The following TSPAN14 variants were observed in gnomAD, a reference collection of about 807,000 sequenced individuals.
The protein encoded by TSPAN14 is tetraspanin-14.
A neutral mutation model predicts 36.6 loss-of-function variants in TSPAN14; 16 were observed. That is an observed-to-expected ratio of 0.44 (90% CI 0.30 to 0.66). The LOEUF is 0.66. Among genes scored for constraint, TSPAN14 ranks in the 30% least tolerant of loss-of-function variants. The pLI is 0.12. For synonymous variants in TSPAN14, 139 were observed against 143.8 expected (o/e 0.97, Z 0.24); for missense variants, 231 against 355.1 (o/e 0.65, Z 2.81).
chr10:80,510,729 T>C (rs1416669030), intron 5 of TSPAN14, among the ~76,000 whole-genome samples: 1 of 151,488 alleles, frequency 6.6e-6, no homozygotes, highest in East Asian at 1.9e-4. Flanking sequence ...AAAAAATTAG[T>C]GGGGTGTGGC....
intron 5 of TSPAN14, among the ~76,000 whole-genome samples, chr10:80,510,519 C>T (rs17106284): frequency 0.015 from 2,244 of 152,240 alleles, 64 homozygotes; most frequent in African/African-American, 0.051. Flanking sequence ...TGCTAGGTTG[C>T]GGTTCATCCC....
chr10:80,508,623 T>TGG (rs1840442251), intron 4 of TSPAN14, among the ~76,000 whole-genome samples: 1 of 152,176 alleles, frequency 6.6e-6, no homozygotes, highest in African/African-American at 2.4e-5. Context: ...GCTGAGCTTC[T>TGG]GGAGGGGTCT....
At chr10:80,507,601 GC>G (rs1335433295) in intron 4 of TSPAN14, among the ~76,000 whole-genome samples, 2 of 152,206 alleles carry the variant, frequency 1.3e-5, no homozygotes, top group Non-Finnish European at 2.9e-5. Flanking sequence ...GGTGGGAGGA[GC>G]CAGCTGCCTA....
intron 3 of TSPAN14, among the ~76,000 whole-genome samples, chr10:80,506,231 CCAA>C (rs1840291603): frequency 1.3e-5 from 2 of 152,200 alleles, no homozygotes; most frequent in Non-Finnish European, 2.9e-5. Context: ...CCTCGGCCTC[CCAA>C]AGTGCTGGGA....
In TSPAN14 at chr10:80,499,741, G is replaced by T. The variant is rs185761645; in HGVS notation, c.82-4987G>T. Reference sequence around the variant, plus strand: ...ATGGGATATGGAGGGATAGCCTTAGGTCCATTAAGTATTTAATGCAGCGCA... The same window carrying T: ...ATGGGATATGGAGGGATAGCCTTAGTTCCATTAAGTATTTAATGCAGCGCA... On this transcript the variant is annotated intron_variant, in intron 2 of 8. Coordinates refer to ENST00000429989, the Ensembl canonical transcript of TSPAN14. Among the ~76,000 whole-genome samples the T allele has an allele frequency of 1.6e-3, 240 of 152,320 alleles. 1 individual carries two copies. The highest frequency in any genetic ancestry group is 5.6e-3 in the African/African-American group (232 of 41,572).
At chr10:80,455,982 G>C (rs1845719441) in intron 1 of TSPAN14, among the ~76,000 whole-genome samples, 1 of 152,168 alleles carries the variant, frequency 6.6e-6, no homozygotes, top group Non-Finnish European at 1.5e-5. Context: ...CCCAACTTCA[G>C]TTGGAGACTC....
At chr10:80,474,177 C>T (rs1271235682) in intron 1 of TSPAN14, among the ~76,000 whole-genome samples, 1 of 151,942 alleles carries the variant, frequency 6.6e-6, no homozygotes, top group Non-Finnish European at 1.5e-5. Context: ...TGGGATGGGC[C>T]TGTGATCAGG....
At chr10:80,458,964 T>C (rs1314087335) in intron 1 of TSPAN14, among the ~76,000 whole-genome samples, 1 of 149,322 alleles carries the variant, frequency 6.7e-6, no homozygotes, top group Non-Finnish European at 1.5e-5. Context: ...ACACAAGTCT[T>C]TGATTTTTTT....
chr10:80,470,774 C>T (rs777005698), intron 1 of TSPAN14, among the ~76,000 whole-genome samples: 3 of 152,196 alleles, frequency 2.0e-5, no homozygotes, highest in Non-Finnish European at 4.4e-5. Flanking sequence ...GGAGTGGCTC[C>T]CACCCCAATG....
chr10:80,486,595 A>C (rs116187275), intron 1 of TSPAN14, among the ~76,000 whole-genome samples: 2,174 of 152,264 alleles, frequency 0.014, 59 homozygotes, highest in African/African-American at 0.05. Context: ...ATCCCAAGGC[A>C]TTGGATTCCA....
At chr10:80,495,371 GTGTGTGTA>G (rs140544418) in intron 2 of TSPAN14, among the ~76,000 whole-genome samples, 6,385 of 38,324 alleles carry the variant, frequency 0.17, 151 homozygotes, top group African/African-American at 0.21. Flanking sequence ...GTGTGTGTGT[GTGTGTGTA>G]TGTACATGTG....
At chr10:80,489,618 C>T (rs1234426180) in intron 2 of TSPAN14, among the ~76,000 whole-genome samples, 2 of 152,232 alleles carry the variant, frequency 1.3e-5, no homozygotes, top group South Asian at 2.1e-4. Flanking sequence ...CCTGGGAGTG[C>T]CCCAATGAGA....
chr10:80,484,397 T>C (rs2132002102), intron 1 of TSPAN14, among the ~76,000 whole-genome samples: 1 of 152,252 alleles, frequency 6.6e-6, no homozygotes, highest in East Asian at 1.9e-4. Context: ...TCATCACTGT[T>C]CATCACAGCC....
At chr10:80,467,772 C>G (rs1169671837) in intron 1 of TSPAN14, among the ~76,000 whole-genome samples, 1 of 152,192 alleles carries the variant, frequency 6.6e-6, no homozygotes, top group Non-Finnish European at 1.5e-5. Flanking sequence ...AGCCCAAACA[C>G]ACACTCCCAG....
chr10:80,470,959 T>G (rs1420058327), intron 1 of TSPAN14, among the ~76,000 whole-genome samples: 1 of 152,216 alleles, frequency 6.6e-6, no homozygotes, highest in Non-Finnish European at 1.5e-5. Flanking sequence ...CTCCCTATCT[T>G]TAGGCACAGC....
intron 1 of TSPAN14, among the ~76,000 whole-genome samples, chr10:80,462,518 G>A (rs557001340): frequency 6.6e-4 from 100 of 152,272 alleles, no homozygotes; most frequent in African/African-American, 2.2e-3. Context: ...AGGAAAGGCT[G>A]GAATGGTTTT....
intron 1 of TSPAN14, among the ~76,000 whole-genome samples, chr10:80,457,262 T>C (rs2131945792): frequency 6.6e-6 from 1 of 151,148 alleles, no homozygotes. Flanking sequence ...CTCGGCTCAC[T>C]GCAACCTCCG....
intron 1 of TSPAN14, among the ~76,000 whole-genome samples, chr10:80,487,737 G>A (rs771194950): frequency 6.6e-6 from 1 of 151,942 alleles, no homozygotes; most frequent in Non-Finnish European, 1.5e-5. Flanking sequence ...ATGGTGGGGC[G>A]GTGGTAGGGG....
intron 2 of TSPAN14, among the ~76,000 whole-genome samples, chr10:80,496,435 T>G (rs1848202362): frequency 1.3e-5 from 2 of 152,208 alleles, no homozygotes; most frequent in Non-Finnish European, 2.9e-5. Flanking sequence ...CTCCTTTTAT[T>G]CTGGATTATA....
Sources: allele counts gnomAD v4.1 joint callset (sites outside exome capture counted in the v4.1 genomes callset), GRCh38; gene constraint gnomAD v4.1.1; transcripts MANE v1.5; gene names NCBI Gene and HGNC (gene_info 2026-07-23, HGNC 2026-07-21).